HELB: variants seen among roughly 807,000 people sequenced by gnomAD.
HELB encodes the protein DNA helicase B, also known as DNA 5'-3' helicase B.
Under a neutral mutation model 101.7 loss-of-function variants are expected in HELB, and 96 were observed. That is an observed-to-expected ratio of 0.94 (90% CI 0.80 to 1.12). The LOEUF (loss-of-function observed/expected upper bound fraction) is 1.12. HELB is among the 50% of genes most tolerant of loss of function. HELB has a pLI of 0.00. For missense variants in HELB, 1,210 were observed against 1,291.9 expected, an observed-to-expected ratio of 0.94 and a Z score of 0.97; for synonymous variants, 437 against 459.7, an observed-to-expected ratio of 0.95 and a Z score of 0.63.
At position 66,306,592 on chromosome 12, in the gene HELB, T is replaced by C. The variant is rs532461305; in HGVS notation, c.777+78T>C. On this transcript the variant is annotated intron_variant, in intron 3 of 12. Transcript: ENST00000247815. The stretch of plus-strand genomic sequence containing the variant: ...AGATTTGGCAATTTTCCTTTCTCTT[T>C]CAAAGGAAAAAAATTTGTGTGGACC... 153 of 1,110,092 alleles carry C rather than the reference T, an allele frequency of 1.4e-4. No individual in the cohort carries two copies. In the African/African-American group the frequency reaches 2.1e-3, roughly 15 times the overall value. 68.8% of individuals were successfully genotyped at this position (1,110,092 alleles called of 1,614,324 possible). A position where few individuals can be genotyped will look rare whatever the true frequency, so the allele number is the denominator to read the frequency against.
chr12:66,327,035 CAAAAAAAAA>C (rs756031862), intron 11 of HELB, among the ~76,000 whole-genome samples: 5 of 41,692 alleles, frequency 1.2e-4, no homozygotes, highest in East Asian at 1.0e-3. Context: ...GACTTCATCT[CAAAAAAAAA>C]AAAAAAAAAA....
chr12:66,339,361 G>A (rs1032894794), downstream of HELB: 3 of 150,312 alleles, frequency 2.0e-5, no homozygotes, highest in East Asian at 2.0e-4. Flanking sequence ...GGTTGGTCTC[G>A]AACTCCTGAG....
chr12:66,324,848 A>G, intron 10 of HELB, 135 bp from the exon 11 acceptor site: 1 of 1,042,438 alleles, frequency 9.6e-7, no homozygotes, highest in Non-Finnish European at 1.4e-6. Flanking sequence ...TGCAAATTTT[A>G]AGCCTTTTGA....
chr12:66,328,068 G>A (rs1351775137), intron 11 of HELB, among the ~76,000 whole-genome samples: 1 of 152,128 alleles, frequency 6.6e-6, no homozygotes, highest in African/African-American at 2.4e-5. Context: ...GAATAGCAAG[G>A]TGGCCACTGT....
intron 5 of HELB, 65 bp from the exon 6 acceptor site, chr12:66,315,177 T>G: frequency 2.4e-6 from 3 of 1,228,650 alleles, no homozygotes; most frequent in Non-Finnish European, 3.3e-6. Context: ...TTAAATAATT[T>G]TAAACAATCT....
At chr12:66,317,513 T>G (rs959806125) in intron 6 of HELB, among the ~76,000 whole-genome samples, 1 of 152,234 alleles carries the variant, frequency 6.6e-6, no homozygotes, top group Non-Finnish European at 1.5e-5. Context: ...TGGTAGACGA[T>G]TAGTCATTTT....
chr12:66,310,952 AT>A (rs946010612), intron 4 of HELB, among the ~76,000 whole-genome samples: 6 of 152,000 alleles, frequency 3.9e-5, no homozygotes, highest in Non-Finnish European at 5.9e-5. Flanking sequence ...AACAAAAAAA[AT>A]TTACCTTAAA....
chr12:66,335,698 C>G (rs1020737292), intron 12 of HELB, among the ~76,000 whole-genome samples: 1 of 151,954 alleles, frequency 6.6e-6, no homozygotes, highest in African/African-American at 2.4e-5. Flanking sequence ...GGAGTCCTGA[C>G]GTGGGTAAGA....
In HELB at chr12:66,305,118, A is replaced by G. The variant is rs763373645; in HGVS notation, c.575A>G (p.Asp192Gly). 1.3e-6 allele frequency: 2 copies of G among 1,575,528 alleles called. No individual in the cohort carries two copies. The highest frequency in any genetic ancestry group is 2.0e-5 in the Admixed American group (1 of 49,838). The change falls in exon 2 of 13, where the codon GAC (aspartate) becomes GGC (glycine). Residue 192 changes from aspartate (D) to glycine (G), a missense_variant. Physicochemically the swap from Asp to Gly is moderately conservative, Grantham distance 94 (BLOSUM62 -1). This residue lies in a region of HELB where 470 missense variants were observed against 563.1 expected (regional missense o/e 0.83). Transcript: ENST00000247815. ...AATGGTCAGGAAGAGTTGTTCCTAGACAATGAGATGAGTCTTCCTCTGGAA... is the reference window on the plus strand; with the variant it reads ...AATGGTCAGGAAGAGTTGTTCCTAGGCAATGAGATGAGTCTTCCTCTGGAA... ...TQNGQEELFL[D>G]NEMSLPLENT...
In HELB at chr12:66,331,280, C is replaced by T. The variant is rs537042661; in HGVS notation, c.2797C>T (p.Arg933Trp). 81 of 1,614,180 alleles carry T rather than the reference C, an allele frequency of 5.0e-5. No homozygotes were observed. In the South Asian group the frequency reaches 6.0e-4, roughly 12 times the overall value. The change falls in exon 12 of 13, where the codon CGG becomes TGG. Residue 933 changes from arginine (R) to tryptophan (W), a missense_variant. Physicochemically the swap from Arg to Trp is moderately radical, Grantham distance 101. This residue lies in a region of HELB where 740 missense variants were observed against 728.8 expected (regional missense o/e 1.02). Transcript: ENST00000247815. ...TGTGATTGCAGAGGAGTCTCAGCTC[C>T]GGAATGCCATTATGAAAAACAGTTT... is the stretch of plus-strand genomic sequence containing the variant. ...VYVIAEESQL[R>W]NAIMKNSFPR...
chr12:66,304,597 C>T, intron 1 of HELB, 134 bp from the exon 2 acceptor site: 1 of 739,002 alleles, frequency 1.4e-6, no homozygotes. Context: ...GTGTTACAGG[C>T]ACCCTACCAG....
intron 4 of HELB, among the ~76,000 whole-genome samples, chr12:66,312,461 G>A (rs2053555777): frequency 6.6e-6 from 1 of 152,198 alleles, no homozygotes; most frequent in African/African-American, 2.4e-5. Flanking sequence ...TCACATGAAT[G>A]AATGGAGACC....
intron 9 of HELB, among the ~76,000 whole-genome samples, chr12:66,323,067 CAG>C (rs1474824102): frequency 1.3e-5 from 2 of 151,846 alleles, no homozygotes; most frequent in African/African-American, 2.4e-5. Context: ...ATGGGGAGCT[CAG>C]GGGAATTTTA....
chr12:66,322,685 A>G, intron 8 of HELB, 39 bp from the exon 9 acceptor site: 1 of 1,388,350 alleles, frequency 7.2e-7, no homozygotes, highest in South Asian at 1.2e-5. Context: ...CCTGTAGCAG[A>G]GACCATTAAG....
chr12:66,306,986 G>A (rs890239281), intron 3 of HELB, among the ~76,000 whole-genome samples: 1 of 151,988 alleles, frequency 6.6e-6, no homozygotes, highest in African/African-American at 2.4e-5. Flanking sequence ...TTTTTATTTT[G>A]TACACTAACA....
Position 66,306,379 on chromosome 12 carries a change from T to A in HELB, c.642T>A (p.Phe214Leu), listed in dbSNP as rs749974699. The A allele has an allele frequency of 6.2e-7, 1 of 1,600,512 alleles. No homozygotes were observed. Among genetic ancestry groups the A allele is most frequent in the South Asian group, 1.1e-5 (1 of 88,214 alleles). Residue 214 changes from phenylalanine (F) to leucine (L), a missense_variant, in exon 3 of 13, where the codon TTT becomes TTA. Phe to Leu is a conservative substitution (Grantham distance 22). Around this residue, in one of 2 missense-constraint regions of HELB, gnomAD observed 470 missense variants for 563.1 expected, o/e 0.83. Transcript: ENST00000247815. ...PFRNVMTALQFPKIMEFLPVL... is the reference protein window; with the variant it reads ...PFRNVMTALQLPKIMEFLPVL... The stretch of plus-strand genomic sequence containing the variant: ...GAAATGTAATGACAGCTTTGCAGTT[T>A]CCGAAGATAATGGAATTCCTTCCAG...
In HELB at chr12:66,337,975, CTTTGTTAT is replaced by C. The variant is rs1461400041; in HGVS notation, c.3163-22_3163-15del. 7.5e-7 allele frequency: 1 copy of C among 1,329,906 alleles called. No individual in the cohort carries two copies. The highest frequency in any genetic ancestry group is 2.3e-5 in the East Asian group (1 of 43,534). 82.4% of individuals were successfully genotyped at this position (1,329,906 alleles called of 1,614,324 possible). The stretch of plus-strand genomic sequence containing the variant: ...ACTAACTACATTTTTACAAAATTAA[CTTTGTTAT>C]TTTAATTGTTCTAACAGGTGGGAGA... On this transcript the variant is annotated intron_variant, in intron 12 of 12. Transcript: ENST00000247815.
At chr12:66,308,447 C>T (rs1315927812) in intron 3 of HELB, among the ~76,000 whole-genome samples, 1 of 152,150 alleles carries the variant, frequency 6.6e-6, no homozygotes, top group African/African-American at 2.4e-5. Context: ...GAAAAGGAGG[C>T]CTGAGGTCTC....
rs148227814 is a variant in HELB, at chr12:66,328,011, G to C, written c.2670+2885G>C. ...GCATTCCAGGTTGAGGAATAACCAAGGGCAGGGTTCTAAGGTGAGAGTCTG... is the reference window on the plus strand; with the variant it reads ...GCATTCCAGGTTGAGGAATAACCAACGGCAGGGTTCTAAGGTGAGAGTCTG... On this transcript the variant is annotated intron_variant, in intron 11 of 12. Transcript: ENST00000247815. Among the ~76,000 whole-genome samples, 10 of 152,288 alleles carry C rather than the reference G, an allele frequency of 6.6e-5. No homozygotes were observed. In the East Asian group the frequency reaches 1.9e-3, roughly 29 times the overall value.
Sources: allele counts gnomAD v4.1 joint callset (sites outside exome capture counted in the v4.1 genomes callset), GRCh38; gene constraint gnomAD v4.1.1; regional missense constraint gnomAD v4.1.1; transcripts MANE v1.5; gene names NCBI Gene and HGNC (gene_info 2026-07-23, HGNC 2026-07-21).